The following ADAMTS17 variants were observed in gnomAD, a reference collection of about 807,000 sequenced individuals.
The protein encoded by ADAMTS17 is A disintegrin and metalloproteinase with thrombospondin motifs 17.
Under a neutral mutation model 141.5 loss-of-function variants are expected in ADAMTS17, and 113 were observed. That is an observed-to-expected ratio of 0.80 (90% confidence interval 0.69 to 0.93). ADAMTS17 has a LOEUF of 0.93. Ranked by LOEUF, ADAMTS17 falls within the 40% of genes least tolerant of loss-of-function variation. ADAMTS17 has a pLI of 0.00. For missense variants in ADAMTS17, 1,659 were observed against 1,517.9 expected (o/e 1.09, Z -1.54); for synonymous variants, 768 against 630.6 (o/e 1.22, Z -3.27).
intron 7 of ADAMTS17, among the ~76,000 whole-genome samples, chr15:100,237,280 C>A (rs1051047879): frequency 1.3e-5 from 2 of 152,110 alleles, no homozygotes; most frequent in Non-Finnish European, 2.9e-5. Context: ...GCAGGAGGCT[C>A]TCCCTCAGTA....
chr15:100,034,271 C>A (rs559072466), intron 18 of ADAMTS17, among the ~76,000 whole-genome samples: 1 of 152,366 alleles, frequency 6.6e-6, no homozygotes, highest in South Asian at 2.1e-4. Flanking sequence ...TGGCAAGAGA[C>A]CATGGAGGAT....
intron 15 of ADAMTS17, among the ~76,000 whole-genome samples, chr15:100,056,356 T>C (rs1209283345): frequency 6.6e-6 from 1 of 151,940 alleles, no homozygotes; most frequent in Non-Finnish European, 1.5e-5. Context: ...CCAGAGTCCT[T>C]TAAGACAGCA....
intron 3 of ADAMTS17, among the ~76,000 whole-genome samples, chr15:100,318,786 C>T (rs975807132): frequency 5.3e-5 from 8 of 152,190 alleles, no homozygotes; most frequent in African/African-American, 1.9e-4. Flanking sequence ...AGTTGTTGGG[C>T]TCAAATATTG....
intron 4 of ADAMTS17, 44 bp from the exon 5 acceptor site, chr15:100,262,479 T>A (rs1227032654): frequency 1.1e-5 from 17 of 1,532,560 alleles, no homozygotes; most frequent in Admixed American, 5.1e-5. Context: ...AGATAAAAAA[T>A]TTTAAAAATA....
chr15:99,992,767 C>T (rs528320767), intron 20 of ADAMTS17, among the ~76,000 whole-genome samples: 47 of 152,338 alleles, frequency 3.1e-4, no homozygotes, highest in African/African-American at 1.0e-3. Flanking sequence ...AGGGCACCCG[C>T]GTCCTGCCTT....
intron 3 of ADAMTS17, among the ~76,000 whole-genome samples, chr15:100,320,013 A>G (rs569778469): frequency 2.8e-4 from 42 of 152,348 alleles, no homozygotes; most frequent in Middle Eastern, 3.4e-3. Context: ...TAAAAAAGAC[A>G]GCAGTGGAAA....
intron 3 of ADAMTS17, among the ~76,000 whole-genome samples, chr15:100,327,794 A>C (rs930925009): frequency 7.2e-5 from 11 of 152,242 alleles, no homozygotes; most frequent in African/African-American, 2.7e-4. Context: ...ATAAGGAGCA[A>C]TGTAGGAAAC....
chr15:100,171,386 G>A (rs2040154250), intron 8 of ADAMTS17, among the ~76,000 whole-genome samples: 1 of 152,150 alleles, frequency 6.6e-6, no homozygotes, highest in Non-Finnish European at 1.5e-5. Context: ...GGGAGCAGGG[G>A]CAGGAGTGCA....
At chr15:100,025,058 C>T (rs1055844322) in intron 18 of ADAMTS17, among the ~76,000 whole-genome samples, 10 of 152,156 alleles carry the variant, frequency 6.6e-5, no homozygotes, top group Non-Finnish European at 1.2e-4. Flanking sequence ...GAGAGTGGTA[C>T]GCTAATGTTG....
intron 3 of ADAMTS17, among the ~76,000 whole-genome samples, chr15:100,289,672 C>T (rs2044566740): frequency 6.6e-6 from 1 of 152,150 alleles, no homozygotes; most frequent in African/African-American, 2.4e-5. Context: ...TCACCATGAT[C>T]AACCAGGCTT....
intron 10 of ADAMTS17, among the ~76,000 whole-genome samples, chr15:100,140,026 C>T (rs2038544001): frequency 6.6e-6 from 1 of 152,130 alleles, no homozygotes; most frequent in Non-Finnish European, 1.5e-5. Flanking sequence ...GATCGAGCCT[C>T]ACTCTGTCAC....
rs79688669 is a variant in ADAMTS17 at position 100,038,379 on chromosome 15, C to T, written c.2591+10478G>A. 7.7e-3 allele frequency among the ~76,000 whole-genome samples: 1,178 copies of T among 152,116 alleles called. 8 individuals are homozygous for T. The highest frequency in any genetic ancestry group is 0.012 in the Non-Finnish European group (789 of 68,006). ...CTTTGCAATTCCATATGAATTTTAG[C>T]GACATGTCCCCATTTGTGGAAGAAA... is the stretch of plus-strand genomic sequence containing the variant. On this transcript the variant is annotated intron_variant, in intron 18 of 21. Coordinates refer to ENST00000268070, the MANE Select transcript of ADAMTS17 (RefSeq NM_139057.4).
At chr15:100,223,403 G>A (rs780525859) in intron 7 of ADAMTS17, among the ~76,000 whole-genome samples, 3 of 152,144 alleles carry the variant, frequency 2.0e-5, no homozygotes, top group Admixed American at 1.3e-4. Flanking sequence ...GATGCAGCCT[G>A]AGTAACTAGT....
intron 18 of ADAMTS17, among the ~76,000 whole-genome samples, chr15:100,016,273 C>T (rs1596235156): frequency 6.6e-6 from 1 of 152,128 alleles, no homozygotes. Flanking sequence ...CTTCTTGTAT[C>T]GTTTTTTGGA....
Position 100,341,961 on chromosome 15 carries a change from G to A in ADAMTS17, c.-62C>T, listed in dbSNP as rs886050985. The A allele has an allele frequency of 2.6e-6, 4 of 1,538,910 alleles. No homozygotes were observed. Among genetic ancestry groups the A allele is most frequent in the South Asian group, 2.4e-5 (2 of 83,788 alleles). The stretch of plus-strand genomic sequence containing the variant: ...GCGAAGCAGGAGCGCGCTAGGCGGC[G>A]GCGCCAGCCGGAGTGAAGCCCTCCA... On this transcript the variant is annotated 5_prime_UTR_variant, in exon 1 of 22. Transcript: ENST00000268070.
intron 7 of ADAMTS17, among the ~76,000 whole-genome samples, chr15:100,221,766 T>A (rs1255393632): frequency 6.6e-6 from 1 of 152,292 alleles, no homozygotes; most frequent in South Asian, 2.1e-4. Flanking sequence ...TGAGAGCTGG[T>A]GTGAAATTAT....
chr15:99,976,023 C>T (rs556430495), intron 21 of ADAMTS17, 22 bp downstream of exon 21: 35 of 1,543,442 alleles, frequency 2.3e-5, no homozygotes, highest in African/African-American at 5.5e-5. Flanking sequence ...CCCTGGGAAC[C>T]GGGGCCAGTG....
Position 100,217,065 on chromosome 15 carries a change from C to A in ADAMTS17, c.1076-17642G>T, listed in dbSNP as rs562448993. On this transcript the variant is annotated intron_variant, in intron 7 of 21. Transcript: ENST00000268070. The stretch of plus-strand genomic sequence containing the variant: ...TGATATTAAATTTATAACTAGACAA[C>A]AGGGACATGAGACATGGGTTTGTGT... Among the ~76,000 whole-genome samples the A allele has an allele frequency of 2.0e-5, 3 of 152,196 alleles. No homozygotes were observed. The South Asian group carries it at 6.2e-4, about 32-fold the overall frequency.
In ADAMTS17 at chr15:100,086,437, C is replaced by CG. The variant is rs569835834; in HGVS notation, c.2137+9918dup. On this transcript the variant is annotated intron_variant, in intron 15 of 21. Transcript: ENST00000268070. ...CCACTGTCAACATTAGACAGATCAACGAGACAGACAGTTAACAAGGATATC... is the reference window on the plus strand; with the variant it reads ...CCACTGTCAACATTAGACAGATCAACGGAGACAGACAGTTAACAAGGATATC... Among the ~76,000 whole-genome samples the CG allele has an allele frequency of 1.3e-4, 19 of 151,976 alleles. No homozygotes were observed. The South Asian group carries it at 3.9e-3, about 32-fold the overall frequency.
Sources: allele counts gnomAD v4.1 joint callset (sites outside exome capture counted in the v4.1 genomes callset), GRCh38; gene constraint gnomAD v4.1.1; transcripts MANE v1.5; gene names NCBI Gene and HGNC (gene_info 2026-07-23, HGNC 2026-07-21).